Variants in MAGI2 observed in about 807,000 individuals in gnomAD.
MAGI2 encodes membrane associated guanylate kinase, WW and PDZ domain containing 2, also known as membrane-associated guanylate kinase, WW and PDZ domain-containing protein 2.
In MAGI2, 35 loss-of-function variants were observed where a neutral mutation model predicts 133.3. The ratio of observed to expected loss-of-function variants is 0.26; its 90% CI spans 0.20 to 0.35. The LOEUF (loss-of-function observed/expected upper bound fraction) is 0.35. MAGI2 is among the 10% of genes least tolerant of loss of function. The pLI, the probability that MAGI2 is intolerant of heterozygous loss-of-function variation, is 1.00. For synonymous variants in MAGI2, 729 were observed against 710.6 expected, an observed-to-expected ratio of 1.03 and a Z score of -0.41; for missense variants, 1,636 against 1,863.4, an observed-to-expected ratio of 0.88 and a Z score of 2.25.
chr7:78,321,981 A>C (rs1411533030), intron 9 of MAGI2, among the ~76,000 whole-genome samples: 4 of 152,232 alleles, frequency 2.6e-5, no homozygotes, highest in Admixed American at 2.6e-4. Context: ...TCAAAAGAAG[A>C]TATTTATGCA....
chr7:78,057,774 C>T (rs1812744896), intron 21 of MAGI2, among the ~76,000 whole-genome samples: 1 of 151,818 alleles, frequency 6.6e-6, no homozygotes, highest in Non-Finnish European at 1.5e-5. Context: ...CAACATTTCA[C>T]TTACATGGTG....
At chr7:79,348,434 A>C (rs1025749946) in intron 1 of MAGI2, among the ~76,000 whole-genome samples, 10 of 151,882 alleles carry the variant, frequency 6.6e-5, no homozygotes, top group Non-Finnish European at 1.2e-4. Context: ...ATGCTAGTAC[A>C]TAACTATAGT....
intron 3 of MAGI2, among the ~76,000 whole-genome samples, chr7:78,591,199 G>T (rs533149521): frequency 6.6e-6 from 1 of 152,268 alleles, no homozygotes; most frequent in East Asian, 1.9e-4. Flanking sequence ...GATTTTACAT[G>T]ATTATCAAGA....
chr7:78,636,948 T>A (rs1216413293), intron 2 of MAGI2, among the ~76,000 whole-genome samples: 1 of 152,228 alleles, frequency 6.6e-6, no homozygotes, highest in African/African-American at 2.4e-5. Flanking sequence ...GGGGCCTGAT[T>A]ATTTGCATTT....
intron 2 of MAGI2, among the ~76,000 whole-genome samples, chr7:78,938,087 T>A (rs1317698029): frequency 2.0e-5 from 3 of 152,100 alleles, no homozygotes; most frequent in East Asian, 1.9e-4. Flanking sequence ...CTAGAGATGG[T>A]GATGATATTT....
In MAGI2 at chr7:78,042,111, C is replaced by A. The variant is rs181376611; in HGVS notation, c.3707-22135G>T. ...ATGGGCCTAAATTGCTCCTTCTGAT[C>A]TCAAATCAGTAGTGTTATTTACTTT... On this transcript the variant is annotated intron_variant, in intron 21 of 21. Transcript: ENST00000354212. 9.9e-5 allele frequency among the ~76,000 whole-genome samples: 15 copies of A among 152,282 alleles called. No homozygotes were observed. The East Asian group carries it at 2.9e-3, about 29-fold the overall frequency.
intron 21 of MAGI2, among the ~76,000 whole-genome samples, chr7:78,045,797 A>T (rs1307682565): frequency 3.3e-5 from 5 of 152,172 alleles, no homozygotes; most frequent in African/African-American, 1.2e-4. Flanking sequence ...GCCTTATCCC[A>T]CAGAACCCAT....
chr7:79,104,012 A>G (rs1329713253), intron 1 of MAGI2, among the ~76,000 whole-genome samples: 1 of 152,030 alleles, frequency 6.6e-6, no homozygotes, highest in African/African-American at 2.4e-5. Flanking sequence ...TTATTTCTTG[A>G]TTAAGTGGTG....
intron 1 of MAGI2, among the ~76,000 whole-genome samples, chr7:79,024,193 A>G (rs1235943773): frequency 6.6e-6 from 1 of 152,172 alleles, no homozygotes; most frequent in Non-Finnish European, 1.5e-5. Flanking sequence ...ACCTACAATC[A>G]TCTGATCTTT....
chr7:78,717,181 C>A (rs1819796861), intron 2 of MAGI2, among the ~76,000 whole-genome samples: 1 of 152,112 alleles, frequency 6.6e-6, no homozygotes, highest in Non-Finnish European at 1.5e-5. Context: ...CTCCGCAGGT[C>A]TTTGTCCAAT....
At chr7:79,110,407 G>C (rs889851744) in intron 1 of MAGI2, among the ~76,000 whole-genome samples, 1 of 152,202 alleles carries the variant, frequency 6.6e-6, no homozygotes, top group African/African-American at 2.4e-5. Context: ...TGGAGTCAAA[G>C]GAGATTATTT....
At chr7:79,090,725 A>T (rs1394547120) in intron 1 of MAGI2, among the ~76,000 whole-genome samples, 1 of 152,194 alleles carries the variant, frequency 6.6e-6, no homozygotes, top group Non-Finnish European at 1.5e-5. Context: ...TTGTGTGTTT[A>T]AGCCTTCTGT....
chr7:79,127,269 A>C (rs1402310572), intron 1 of MAGI2, among the ~76,000 whole-genome samples: 2 of 152,184 alleles, frequency 1.3e-5, no homozygotes, highest in Non-Finnish European at 2.9e-5. Context: ...ATACGTGTGC[A>C]TGTGTCTTTA....
At chr7:78,050,528 T>TTA (rs1301248009) in intron 21 of MAGI2, among the ~76,000 whole-genome samples, 1 of 152,218 alleles carries the variant, frequency 6.6e-6, no homozygotes, top group Non-Finnish European at 1.5e-5. Flanking sequence ...AGCATCTAAA[T>TTA]GACACAAGAG....
chr7:78,749,660 C>T (rs1041318916), intron 2 of MAGI2, among the ~76,000 whole-genome samples: 1 of 152,052 alleles, frequency 6.6e-6, no homozygotes, highest in Non-Finnish European at 1.5e-5. Flanking sequence ...CCTCAAATGC[C>T]AAGCTAGGGA....
chr7:78,231,714 C>T (rs560851451), intron 10 of MAGI2, among the ~76,000 whole-genome samples: 1 of 152,252 alleles, frequency 6.6e-6, no homozygotes, highest in African/African-American at 2.4e-5. Flanking sequence ...AACAAGCTCT[C>T]TTTTCCCTCA....
At chr7:78,873,254 G>A (rs749285681) in intron 2 of MAGI2, among the ~76,000 whole-genome samples, 2 of 152,198 alleles carry the variant, frequency 1.3e-5, no homozygotes, top group Non-Finnish European at 2.9e-5. Flanking sequence ...ATACAACAGG[G>A]GTCCCCAACC....
At chr7:78,564,205 G>C (rs1182927765) in intron 3 of MAGI2, among the ~76,000 whole-genome samples, 5 of 152,132 alleles carry the variant, frequency 3.3e-5, no homozygotes, top group African/African-American at 1.2e-4. Flanking sequence ...GTGCTCTTCT[G>C]GGGAGTGAGG....
intron 1 of MAGI2, among the ~76,000 whole-genome samples, chr7:79,056,981 A>G (rs1813203239): frequency 6.6e-6 from 1 of 152,216 alleles, no homozygotes; most frequent in Non-Finnish European, 1.5e-5. Context: ...AAGAGATCAT[A>G]CTATTTCAGA....
Sources: gnomAD v4.1 joint callset for allele counts (sites outside exome capture counted in the v4.1 genomes callset) on GRCh38, gnomAD v4.1.1 for gene constraint, MANE v1.5 for transcripts, NCBI Gene and HGNC (gene_info 2026-07-23, HGNC 2026-07-21) for gene names.